The following IL16 variants were observed in gnomAD, a reference collection of about 807,000 sequenced individuals.
IL16 encodes the protein interleukin 16.
Under a neutral mutation model 110.1 loss-of-function variants are expected in IL16, and 67 were observed. That is an observed-to-expected ratio of 0.61 (90% confidence interval 0.50 to 0.75). IL16 has a LOEUF of 0.75. IL16 is among the 30% of genes least tolerant of loss of function. The probability of loss-of-function intolerance (pLI) is 0.00; values close to 1 mark genes in which losing one functional copy is unlikely to be tolerated. For synonymous variants in IL16, 689 were observed against 662.9 expected, an observed-to-expected ratio of 1.04 and a Z score of -0.61; for missense variants, 1,545 against 1,655.0, an observed-to-expected ratio of 0.93 and a Z score of 1.15.
At chr15:81,306,269 G>A (rs1900554020) in intron 17 of IL16, 103 bp downstream of exon 17, 2 of 1,528,006 alleles carry the variant, frequency 1.3e-6, no homozygotes, top group African/African-American at 2.7e-5. Context: ...CCCCAAGAAT[G>A]TGTGGCTGCC....
intron 1 of IL16, among the ~76,000 whole-genome samples, chr15:81,205,287 CAG>C (rs1595944586): frequency 7.0e-6 from 1 of 143,026 alleles, no homozygotes; most frequent in East Asian, 2.1e-4. Flanking sequence ...GCCTAGATGA[CAG>C]AGCAAGACTC....
chr15:81,230,054 G>A (rs1896918884), intron 2 of IL16, among the ~76,000 whole-genome samples: 1 of 152,178 alleles, frequency 6.6e-6, no homozygotes, highest in Non-Finnish European at 1.5e-5. Context: ...CCAAAGCGGG[G>A]CATGGGCGTG....
chr15:81,255,846 A>G (rs1341980801), intron 2 of IL16, among the ~76,000 whole-genome samples: 10 of 152,222 alleles, frequency 6.6e-5, no homozygotes, highest in Non-Finnish European at 1.0e-4. Flanking sequence ...GGCAATTTCC[A>G]ACTGTGCCTT....
chr15:81,296,363 A>G (rs1274294388), intron 12 of IL16, among the ~76,000 whole-genome samples: 1 of 152,218 alleles, frequency 6.6e-6, no homozygotes, highest in African/African-American at 2.4e-5. Context: ...ATTCTGCAAC[A>G]GATTGAGGAT....
intron 1 of IL16, among the ~76,000 whole-genome samples, chr15:81,224,764 C>T (rs756252874): frequency 3.3e-5 from 5 of 152,190 alleles, no homozygotes; most frequent in African/African-American, 4.8e-5. Context: ...TCTTCAGACT[C>T]AGCTCCATGG....
chr15:81,293,010 T>C lies in IL16; in HGVS notation c.1875T>C (p.Ser625=). Residue 625 remains serine, a synonymous_variant, in exon 12 of 19, where the codon TCT becomes TCC. Transcript: ENST00000683961. ...AGAGAGAGAACTCCTCATGCTCTTC[T>C]GGGCACACCCCACCCACCTGTGGCC... is the stretch of plus-strand genomic sequence containing the variant. ...LEERENSSCS[S]GHTPPTCGQE... 1.2e-6 allele frequency: 2 copies of C among 1,610,326 alleles called. No homozygotes were observed. The highest frequency in any genetic ancestry group is 1.7e-6 in the Non-Finnish European group (2 of 1,179,614).
chr15:81,287,953 C>T (rs148668802), intron 10 of IL16, among the ~76,000 whole-genome samples: 3 of 152,208 alleles, frequency 2.0e-5, no homozygotes, highest in East Asian at 1.9e-4. Flanking sequence ...TTTAGGACTA[C>T]GGCAGAAAAT....
intron 10 of IL16, among the ~76,000 whole-genome samples, chr15:81,288,882 GT>G (rs1311533628): frequency 6.6e-6 from 1 of 151,428 alleles, no homozygotes; most frequent in African/African-American, 2.4e-5. Flanking sequence ...TTTATCATCT[GT>G]TTTTGGGTAC....
rs779357406 is a variant in IL16, at chr15:81,225,338, C to A, written c.-62C>A. The A allele has an allele frequency of 1.9e-6, 3 of 1,579,436 alleles. No homozygotes were observed. The highest frequency in any genetic ancestry group is 2.7e-5 in the African/African-American group (2 of 74,330). ...GCAGCTAAGCCCTGTCCAGTGGCCA[C>A]CCGTCAGCCAAGGGCCAGAGACCAG... On this transcript the variant is annotated 5_prime_UTR_variant, in exon 2 of 19. Coordinates refer to ENST00000683961, the MANE Select transcript of IL16 (RefSeq NM_172217.5).
At chr15:81,253,379 T>C (rs1595996284) in intron 2 of IL16, among the ~76,000 whole-genome samples, 1 of 152,218 alleles carries the variant, frequency 6.6e-6, no homozygotes, top group Non-Finnish European at 1.5e-5. Flanking sequence ...CACAAGTCCC[T>C]TATCAGATAT....
intron 5 of IL16, among the ~76,000 whole-genome samples, chr15:81,271,748 C>G (rs1268196219): frequency 6.6e-6 from 1 of 152,160 alleles, no homozygotes; most frequent in Admixed American, 6.5e-5. Flanking sequence ...TTTTCCTAAG[C>G]CTGTGCTACT....
At chr15:81,282,081 C>T (rs146746883) in intron 8 of IL16, among the ~76,000 whole-genome samples, 7 of 152,350 alleles carry the variant, frequency 4.6e-5, no homozygotes, top group South Asian at 2.1e-4. Context: ...ACTGAATCTG[C>T]GCTTGATCCC....
At chr15:81,272,909 G>A (rs541207101) in intron 5 of IL16, among the ~76,000 whole-genome samples, 181 bp from the exon 6 acceptor site, 2 of 144,248 alleles carry the variant, frequency 1.4e-5, no homozygotes, top group South Asian at 4.3e-4. Flanking sequence ...TCCTATTTTT[G>A]TTGTTGTTGT....
At position 81,310,555 on chromosome 15, in the gene IL16, T is replaced by A. The variant is rs1900796347; in HGVS notation, c.*1757T>A. 6.6e-6 allele frequency: 1 copy of A among 152,186 alleles called. No individual in the cohort carries two copies. The highest frequency in any genetic ancestry group is 2.4e-5 in the African/African-American group (1 of 41,444). The allele number at this position is 152,186 out of a possible 1,614,324, so 9.4% of individuals were successfully genotyped here. ...TTAGACTTAATAGAAACATTGAAGA[T>A]GAACATAATCTACCAACGAAAGACG... On this transcript the variant is annotated 3_prime_UTR_variant, in exon 19 of 19. Transcript: ENST00000683961.
intron 1 of IL16, among the ~76,000 whole-genome samples, chr15:81,218,424 T>C (rs1896505333): frequency 1.3e-5 from 2 of 152,160 alleles, no homozygotes. Context: ...CTCCCCTAAT[T>C]CATCTATAAA....
At chr15:81,295,998 A>G (rs900825622) in intron 12 of IL16, among the ~76,000 whole-genome samples, 3 of 152,212 alleles carry the variant, frequency 2.0e-5, no homozygotes, top group African/African-American at 7.2e-5. Flanking sequence ...TCTTGCAGAC[A>G]ATCAAATACA....
intron 1 of IL16, among the ~76,000 whole-genome samples, chr15:81,190,102 G>C (rs1256227335): frequency 6.6e-6 from 1 of 152,192 alleles, no homozygotes; most frequent in Non-Finnish European, 1.5e-5. Flanking sequence ...AAAGACGAGG[G>C]ACTCAACTGC....
At chr15:81,262,558 G>A (rs28453231) in intron 3 of IL16, among the ~76,000 whole-genome samples, 5 of 151,828 alleles carry the variant, frequency 3.3e-5, no homozygotes, top group African/African-American at 1.2e-4. Context: ...TTTATTTTGC[G>A]TTTTTTGTTT....
rs767790257 is a variant in IL16 at position 81,299,620 on chromosome 15, A to G, written c.2294A>G (p.Asn765Ser). Reference sequence around the variant, plus strand: ...ACCCCACCAAAGCTGGACACCGCCAATGGCACTCCCAAAGTTTACAAGTCA... The same window carrying G: ...ACCCCACCAAAGCTGGACACCGCCAGTGGCACTCCCAAAGTTTACAAGTCA... ...DGTPPKLDTA[N>S]GTPKVYKSAD... Residue 765 changes from asparagine to serine, a missense_variant, in exon 14 of 19, where the codon AAT becomes AGT. By Grantham distance (46) the Asn-to-Ser change is conservative. Around this residue, in one of 3 missense-constraint regions of IL16, gnomAD observed 1,185 missense variants for 1,238.8 expected, o/e 0.96. Transcript: ENST00000683961. The G allele has an allele frequency of 8.1e-6, 13 of 1,614,070 alleles. No individual in the cohort carries two copies. The Admixed American group carries it at 8.3e-5, about 10-fold the overall frequency.
Sources: gnomAD v4.1 joint callset for allele counts (sites outside exome capture counted in the v4.1 genomes callset) on GRCh38, gnomAD v4.1.1 for gene constraint, gnomAD v4.1.1 regional missense constraint, MANE v1.5 for transcripts, NCBI Gene and HGNC (gene_info 2026-07-23, HGNC 2026-07-21) for gene names.